SUCLG2: variants seen among roughly 807,000 people sequenced by gnomAD.
The protein encoded by SUCLG2 is succinate--CoA ligase [GDP-forming] subunit beta, mitochondrial.
A neutral mutation model predicts 47.9 loss-of-function variants in SUCLG2; 42 were observed. The ratio of observed to expected loss-of-function variants is 0.88; its 90% CI spans 0.69 to 1.14. The LOEUF (loss-of-function observed/expected upper bound fraction) is 1.14. SUCLG2 is among the 50% of genes most tolerant of loss of function. The pLI, the probability that SUCLG2 is intolerant of heterozygous loss-of-function variation, is 0.00. For synonymous variants in SUCLG2, 195 were observed against 197.3 expected (o/e 0.99, Z 0.10); for missense variants, 571 against 525.9 (o/e 1.09, Z -0.84).
chr3:67,393,149 G>A (rs931728277), intron 10 of SUCLG2, among the ~76,000 whole-genome samples: 4 of 152,224 alleles, frequency 2.6e-5, no homozygotes, highest in African/African-American at 9.6e-5. Context: ...CATCTCACTA[G>A]GGAGTGCCAG....
At chr3:67,515,372 C>A (rs1397067956) in intron 6 of SUCLG2, among the ~76,000 whole-genome samples, 1 of 152,122 alleles carries the variant, frequency 6.6e-6, no homozygotes, top group Admixed American at 6.5e-5. Flanking sequence ...TTAAGCTTTC[C>A]TATGTCTTAA....
chr3:67,504,768 A>G (rs1001339515), intron 7 of SUCLG2, among the ~76,000 whole-genome samples: 4 of 152,176 alleles, frequency 2.6e-5, no homozygotes, highest in African/African-American at 9.7e-5. Context: ...CTGTGTACAG[A>G]TAGAGCTGGC....
intron 7 of SUCLG2, among the ~76,000 whole-genome samples, chr3:67,499,798 C>G (rs1705448096): frequency 6.6e-6 from 1 of 152,058 alleles, no homozygotes; most frequent in Non-Finnish European, 1.5e-5. Flanking sequence ...GTGGCGCAAT[C>G]TCGGCTCACT....
intron 9 of SUCLG2, among the ~76,000 whole-genome samples, chr3:67,488,687 GAAATGCA>G (rs1705126701): frequency 1.3e-5 from 2 of 152,162 alleles, no homozygotes; most frequent in Non-Finnish European, 2.9e-5. Context: ...GTCTTGCTGA[GAAATGCA>G]CTGTTTTCTA....
intron 2 of SUCLG2, among the ~76,000 whole-genome samples, chr3:67,582,115 TA>T (rs894337317): frequency 5.3e-5 from 8 of 152,122 alleles, no homozygotes; most frequent in South Asian, 2.1e-4. Context: ...CATATTTCTT[TA>T]AAAAAAACTT....
intron 2 of SUCLG2, among the ~76,000 whole-genome samples, chr3:67,572,609 G>T (rs759305611): frequency 6.6e-6 from 1 of 152,144 alleles, no homozygotes; most frequent in South Asian, 2.1e-4. Context: ...ACCCAGAGCA[G>T]TAAGAACAGG....
intron 5 of SUCLG2, among the ~76,000 whole-genome samples, chr3:67,518,936 G>A (rs1706023544): frequency 6.6e-6 from 1 of 152,034 alleles, no homozygotes; most frequent in Non-Finnish European, 1.5e-5. Context: ...TCTCAATTCA[G>A]TTTCCAAGGT....
At chr3:67,467,217 A>G (rs1704495246) in intron 9 of SUCLG2, among the ~76,000 whole-genome samples, 1 of 152,230 alleles carries the variant, frequency 6.6e-6, no homozygotes, top group Non-Finnish European at 1.5e-5. Context: ...ACCTAGATAC[A>G]CAATAACTAT....
rs148326495 is a variant in SUCLG2, at chr3:67,508,444, T to C, written c.757+363A>G. ...TTTTATTATTTATTATTATTATTAT[T>C]ATTTTTGTAGAGACAGGGTCTCAAT... is the stretch of plus-strand genomic sequence containing the variant. On this transcript the variant is annotated intron_variant, in intron 7 of 10. Transcript: ENST00000307227. Among the ~76,000 whole-genome samples, 17 of 152,182 alleles carry C rather than the reference T, an allele frequency of 1.1e-4. 1 individual carries two copies. Among genetic ancestry groups the C allele is most frequent in the Admixed American group, 1.1e-3 (17 of 15,294 alleles).
intron 2 of SUCLG2, among the ~76,000 whole-genome samples, chr3:67,599,091 A>T (rs375993342): frequency 3.3e-5 from 5 of 152,316 alleles, no homozygotes; most frequent in African/African-American, 1.2e-4. Flanking sequence ...ACACAGCATG[A>T]TCTCATTTCA....
chr3:67,643,778 C>A (rs1447648239), intron 1 of SUCLG2, among the ~76,000 whole-genome samples: 3 of 152,156 alleles, frequency 2.0e-5, no homozygotes, highest in Non-Finnish European at 4.4e-5. Context: ...CCAGGTTCAA[C>A]TGATTCTCCT....
intron 10 of SUCLG2, among the ~76,000 whole-genome samples, chr3:67,395,012 C>A (rs1702488770): frequency 6.6e-6 from 1 of 151,862 alleles, no homozygotes; most frequent in Non-Finnish European, 1.5e-5. Flanking sequence ...TAAAAGATCT[C>A]CTGAAGGAAG....
chr3:67,533,587 G>A lies in SUCLG2; in HGVS notation c.227-4401C>T, dbSNP rs150854749. On this transcript the variant is annotated intron_variant, in intron 2 of 10. Coordinates refer to ENST00000307227, the MANE Select transcript of SUCLG2 (RefSeq NM_003848.4). Reference sequence around the variant, plus strand: ...AGGCAAAGTGGAAGGCAAGAGAAGAGTCAAAAGGTATTGTGTAAAGATGAA... The same window carrying A: ...AGGCAAAGTGGAAGGCAAGAGAAGAATCAAAAGGTATTGTGTAAAGATGAA... Among the ~76,000 whole-genome samples the A allele has an allele frequency of 4.1e-3, 625 of 152,264 alleles. 8 individuals are homozygous for A. In the East Asian group the frequency reaches 0.053, roughly 13 times the overall value.
chr3:67,646,437 A>C (rs1036014791), intron 1 of SUCLG2, among the ~76,000 whole-genome samples: 1 of 152,128 alleles, frequency 6.6e-6, no homozygotes, highest in Non-Finnish European at 1.5e-5. Flanking sequence ...TCTACTAAAA[A>C]TACAAAAATT....
intron 9 of SUCLG2, among the ~76,000 whole-genome samples, chr3:67,474,986 A>C (rs558742817): frequency 7.4e-6 from 1 of 135,296 alleles, no homozygotes; most frequent in South Asian, 2.4e-4. Context: ...TCCAACCCTT[A>C]TTTCCTTTCC....
At chr3:67,515,725 C>G (rs745434964) in intron 6 of SUCLG2, among the ~76,000 whole-genome samples, 8 of 152,182 alleles carry the variant, frequency 5.3e-5, no homozygotes, top group Non-Finnish European at 8.8e-5. Context: ...CCCTTCTACA[C>G]TGTCCCATCT....
At chr3:67,447,566 GA>G (rs1703955643) in intron 9 of SUCLG2, among the ~76,000 whole-genome samples, 1 of 152,106 alleles carries the variant, frequency 6.6e-6, no homozygotes, top group Non-Finnish European at 1.5e-5. Flanking sequence ...AATGGATACA[GA>G]AAACAGGAAC....
intron 1 of SUCLG2, among the ~76,000 whole-genome samples, chr3:67,648,946 C>T (rs977680942): frequency 5.9e-5 from 9 of 152,200 alleles, no homozygotes; most frequent in Non-Finnish European, 1.2e-4. Flanking sequence ...GTGGAGCTTA[C>T]ATTCTTAAAC....
intron 2 of SUCLG2, among the ~76,000 whole-genome samples, chr3:67,559,805 T>C (rs1297484918): frequency 1.3e-5 from 2 of 152,140 alleles, no homozygotes; most frequent in East Asian, 1.9e-4. Context: ...GACAAATATA[T>C]ATAATTAGAC....
Sources: gnomAD v4.1 joint callset for allele counts (sites outside exome capture counted in the v4.1 genomes callset) on GRCh38, gnomAD v4.1.1 for gene constraint, MANE v1.5 for transcripts, NCBI Gene and HGNC (gene_info 2026-07-23, HGNC 2026-07-21) for gene names.